The following DNM3 variants were observed in gnomAD, a reference collection of about 807,000 sequenced individuals.
DNM3 encodes dynamin-3.
A neutral mutation model predicts 101.6 loss-of-function variants in DNM3; 47 were observed. That is an observed-to-expected ratio of 0.46 (90% CI 0.37 to 0.59). The LOEUF (loss-of-function observed/expected upper bound fraction) is 0.59. Among genes scored for constraint, DNM3 ranks in the 20% least tolerant of loss-of-function variants. The pLI, the probability that DNM3 is intolerant of heterozygous loss-of-function variation, is 0.00. For missense variants in DNM3, 849 were observed against 1,085.7 expected (o/e 0.78, Z 3.06); for synonymous variants, 385 against 387.9 (o/e 0.99, Z 0.09).
chr1:172,281,091 G>GTA (rs1553219983), intron 15 of DNM3, among the ~76,000 whole-genome samples: 3 of 151,996 alleles, frequency 2.0e-5, no homozygotes, highest in East Asian at 1.9e-4. Flanking sequence ...GTGTGTGTGT[G>GTA]TATGTGTGAT....
At chr1:172,335,803 A>G (rs2066396812) in intron 17 of DNM3, among the ~76,000 whole-genome samples, 1 of 152,166 alleles carries the variant, frequency 6.6e-6, no homozygotes, top group Non-Finnish European at 1.5e-5. Flanking sequence ...AGGGGAGGGA[A>G]AGAGGGGACG....
intron 1 of DNM3, among the ~76,000 whole-genome samples, chr1:171,853,526 ATTTC>A (rs2033225488): frequency 6.6e-6 from 1 of 152,134 alleles, no homozygotes; most frequent in African/African-American, 2.4e-5. Flanking sequence ...AATTGACCCA[ATTTC>A]TTTCAGTGGT....
rs1558268667 is a variant in DNM3 at position 171,921,770 on chromosome 1, G to A, written c.184G>A (p.Gly62Ser). The change falls in exon 2 of 21, where the codon GGC (glycine) becomes AGC (serine). Residue 62 changes from glycine (G) to serine (S), a missense_variant. This residue lies in a region of DNM3 where 388 missense variants were observed against 483.0 expected (regional missense o/e 0.80). Coordinates refer to ENST00000627582, the MANE Select transcript of DNM3 (RefSeq NM_015569.5). Reference protein sequence around the residue: ...VGRDFLPRGSGIVTRRPLVLQ... With the variant: ...VGRDFLPRGSSIVTRRPLVLQ... The stretch of plus-strand genomic sequence containing the variant: ...TAGGGACTTTCTCCCTCGAGGGTCG[G>A]GCATTGTAACAAGACGACCTCTTGT... 1.9e-6 allele frequency: 3 copies of A among 1,599,298 alleles called. No individual in the cohort carries two copies. The highest frequency in any genetic ancestry group is 2.6e-6 in the Non-Finnish European group (3 of 1,172,052).
At chr1:172,009,377 A>G (rs987245349) in intron 4 of DNM3, among the ~76,000 whole-genome samples, 1 of 151,070 alleles carries the variant, frequency 6.6e-6, no homozygotes, top group Non-Finnish European at 1.5e-5. Flanking sequence ...GTAATCAGCT[A>G]GTCAGTTTCT....
intron 15 of DNM3, among the ~76,000 whole-genome samples, chr1:172,295,247 G>A (rs1273821919): frequency 6.6e-6 from 1 of 152,104 alleles, no homozygotes; most frequent in Non-Finnish European, 1.5e-5. Context: ...GAACTATAAG[G>A]CCAACTCAAA....
At chr1:172,109,094 T>G (rs1232711994) in intron 13 of DNM3, among the ~76,000 whole-genome samples, 1 of 152,236 alleles carries the variant, frequency 6.6e-6, no homozygotes, top group African/African-American at 2.4e-5. Context: ...AATTTGAGTC[T>G]CAATTGACTT....
chr1:172,388,627 C>T lies in DNM3; in HGVS notation c.2340C>T (p.Leu780=), dbSNP rs201431126. The change falls in exon 20 of 21, where the codon CTC becomes CTT. Residue 780 remains leucine, a synonymous_variant. Coordinates refer to ENST00000627582, the MANE Select transcript of DNM3 (RefSeq NM_015569.5). ...GGAGGCCAACACTAAGTGCTCCCCT[C>T]GCAAGGCCCACATCCGGCCGAGGAC... ...TQRRPTLSAP[L]ARPTSGRGPA... The T allele has an allele frequency of 8.1e-5, 131 of 1,613,928 alleles. No individual in the cohort carries two copies. The East Asian group carries it at 9.1e-4, about 11-fold the overall frequency.
At chr1:172,083,608 A>G (rs1339407253) in intron 12 of DNM3, among the ~76,000 whole-genome samples, 1 of 152,240 alleles carries the variant, frequency 6.6e-6, no homozygotes, top group African/African-American at 2.4e-5. Flanking sequence ...GAAAATGTAG[A>G]AAAAGTCATA....
chr1:171,895,270 C>T (rs1026764920), intron 1 of DNM3, among the ~76,000 whole-genome samples: 2 of 152,180 alleles, frequency 1.3e-5, no homozygotes, highest in African/African-American at 4.8e-5. Context: ...AAAAGTGTTC[C>T]TCTTTCTCCA....
rs371355579 is a variant in DNM3, at chr1:171,974,918, A to C, written c.236-12738A>C. ...GGTCTGTCACCCAGGCTGGAGTTAA[A>C]GGCTCACTGCACCCTTGAACTCCTG... On this transcript the variant is annotated intron_variant, in intron 2 of 20. Transcript: ENST00000627582. Among the ~76,000 whole-genome samples, 6 of 151,450 alleles carry C rather than the reference A, an allele frequency of 4.0e-5. No homozygotes were observed. In the East Asian group the frequency reaches 9.7e-4, roughly 24 times the overall value.
chr1:172,253,792 G>A, intron 15 of DNM3, 110 bp downstream of exon 15: 1 of 573,122 alleles, frequency 1.7e-6, no homozygotes, highest in Non-Finnish European at 2.8e-6. Flanking sequence ...AAATTTGTCT[G>A]CTCTTCAGTT....
chr1:172,118,628 T>C (rs1237327575), intron 13 of DNM3, among the ~76,000 whole-genome samples: 1 of 152,156 alleles, frequency 6.6e-6, no homozygotes, highest in East Asian at 1.9e-4. Context: ...ATTCACCATA[T>C]GAAATCAGAC....
intron 10 of DNM3, 97 bp downstream of exon 10, chr1:172,048,847 T>C: frequency 6.9e-7 from 1 of 1,439,856 alleles, no homozygotes; most frequent in Non-Finnish European, 9.5e-7. Context: ...CTCACTTTGT[T>C]ATAGATGTTG....
intron 4 of DNM3, among the ~76,000 whole-genome samples, chr1:171,999,999 T>C (rs1371259779): frequency 2.0e-5 from 3 of 152,116 alleles, no homozygotes; most frequent in East Asian, 3.9e-4. Context: ...CCTGTTGTTT[T>C]AAGTCACTTG....
At chr1:172,169,423 TTTTC>T (rs1473599766) in intron 14 of DNM3, among the ~76,000 whole-genome samples, 1 of 151,958 alleles carries the variant, frequency 6.6e-6, no homozygotes, top group Non-Finnish European at 1.5e-5. Flanking sequence ...TCCCATAATC[TTTTC>T]ATCCTATCAT....
intron 17 of DNM3, among the ~76,000 whole-genome samples, chr1:172,349,951 T>G (rs2067122655): frequency 6.6e-6 from 1 of 152,148 alleles, no homozygotes; most frequent in South Asian, 2.1e-4. Context: ...AGAAAACTCA[T>G]GCTAAGGCCA....
rs650122 is a variant in DNM3, at chr1:172,218,902, G to A, written c.1660-34671G>A. On this transcript the variant is annotated intron_variant, in intron 14 of 20. Coordinates refer to ENST00000627582, the MANE Select transcript of DNM3 (RefSeq NM_015569.5). ...AAGTAGAGGTAAAGAGGGTTGGAGC[G>A]GGAGACTTGCTTCTCATCACACCTT... is the stretch of plus-strand genomic sequence containing the variant. Among the ~76,000 whole-genome samples, 24 of 152,162 alleles carry A rather than the reference G, an allele frequency of 1.6e-4. No individual in the cohort carries two copies. The South Asian group carries it at 1.9e-3, about 12-fold the overall frequency.
rs553604985 is a variant in DNM3, at chr1:172,388,623, C to T, written c.2336C>T (p.Pro779Leu). 12 of 1,614,030 alleles carry T rather than the reference C, an allele frequency of 7.4e-6. No individual in the cohort carries two copies. The African/African-American group carries it at 1.6e-4, about 22-fold the overall frequency. ...TTQRRPTLSA[P>L]LARPTSGRGP... is the part of the protein sequence containing the mutation. The stretch of plus-strand genomic sequence containing the variant: ...CAAAGGAGGCCAACACTAAGTGCTC[C>T]CCTCGCAAGGCCCACATCCGGCCGA... Residue 779 changes from proline (P) to leucine (L), a missense_variant, in exon 20 of 21, where the codon CCC (proline) becomes CTC (leucine). Pro to Leu is a moderately conservative substitution (Grantham distance 98). Coordinates refer to ENST00000627582, the MANE Select transcript of DNM3 (RefSeq NM_015569.5).
chr1:172,330,703 A>G (rs1325453268), intron 17 of DNM3, among the ~76,000 whole-genome samples: 1 of 152,172 alleles, frequency 6.6e-6, no homozygotes, highest in Non-Finnish European at 1.5e-5. Flanking sequence ...CAAAAAAATG[A>G]AGAGGAAGAT....
Sources: allele counts gnomAD v4.1 joint callset (sites outside exome capture counted in the v4.1 genomes callset), GRCh38; gene constraint gnomAD v4.1.1; regional missense constraint gnomAD v4.1.1; transcripts MANE v1.5; gene names NCBI Gene and HGNC (gene_info 2026-07-23, HGNC 2026-07-21).